Variants in HIPK2 observed in about 807,000 individuals in gnomAD.
HIPK2 encodes homeodomain-interacting protein kinase 2.
A neutral mutation model predicts 113.7 loss-of-function variants in HIPK2; 27 were observed. The observed-to-expected ratio is 0.24, with a 90% CI of 0.17 to 0.33. The LOEUF is 0.33. Ranked by LOEUF, HIPK2 falls within the 10% of genes least tolerant of loss-of-function variation. The pLI, the probability that HIPK2 is intolerant of heterozygous loss-of-function variation, is 1.00. For synonymous variants in HIPK2, 631 were observed against 642.2 expected (o/e 0.98, Z 0.26); for missense variants, 1,257 against 1,588.0 (o/e 0.79, Z 3.54).
At chr7:139,583,309 A>G (rs1384396532) in intron 13 of HIPK2, among the ~76,000 whole-genome samples, 2 of 152,254 alleles carry the variant, frequency 1.3e-5, no homozygotes, top group African/African-American at 4.8e-5. Context: ...ATAGCAGTGC[A>G]TGAGCAGAGA....
intron 12 of HIPK2, among the ~76,000 whole-genome samples, chr7:139,589,785 G>A (rs555337577): frequency 8.5e-5 from 13 of 152,314 alleles, no homozygotes; most frequent in African/African-American, 2.6e-4. Flanking sequence ...TATCTACAAG[G>A]AGTGTGGGAT....
At chr7:139,752,552 A>C (rs919915107) in intron 1 of HIPK2, among the ~76,000 whole-genome samples, 1 of 151,952 alleles carries the variant, frequency 6.6e-6, no homozygotes, top group Admixed American at 6.5e-5. Flanking sequence ...AAGCACCCCA[A>C]GCTAACTTAT....
In HIPK2 at chr7:139,567,023, C is replaced by A. The variant is rs982693813; in HGVS notation, c.*5904G>T. The A allele has an allele frequency of 1.3e-5, 2 of 152,224 alleles. No individual in the cohort carries two copies. The highest frequency in any genetic ancestry group is 4.8e-5 in the African/African-American group (2 of 41,448). 9.4% of individuals were successfully genotyped at this position (152,224 alleles called of 1,614,324 possible). On this transcript the variant is annotated 3_prime_UTR_variant, in exon 15 of 15. Transcript: ENST00000406875. Reference sequence around the variant, plus strand: ...GAAGCTGCAACAAGAGAAACCTCTACTATGCTGGGTCCCTCTAGTGAGCCA... The same window carrying A: ...GAAGCTGCAACAAGAGAAACCTCTAATATGCTGGGTCCCTCTAGTGAGCCA...
At chr7:139,763,858 ACT>A (rs1796510683) in intron 1 of HIPK2, among the ~76,000 whole-genome samples, 2 of 152,186 alleles carry the variant, frequency 1.3e-5, no homozygotes, top group Admixed American at 1.3e-4. Context: ...CAATGGTGAC[ACT>A]CTGCCTTCCT....
intron 2 of HIPK2, among the ~76,000 whole-genome samples, chr7:139,638,897 T>A (rs1338092036): frequency 1.3e-5 from 2 of 152,160 alleles, no homozygotes; most frequent in African/African-American, 2.4e-5. Flanking sequence ...GACCTCGTGA[T>A]CCGCCCGCCT....
In HIPK2 at chr7:139,716,534, G is replaced by A; in HGVS notation, c.501C>T (p.Thr167=). The A allele has an allele frequency of 6.2e-7, 1 of 1,614,018 alleles. No individual in the cohort carries two copies. The highest frequency in any genetic ancestry group is 8.5e-7 in the Non-Finnish European group (1 of 1,179,888). ...TGTTTTTGGAGGTGGCAGTAGACGT[G>A]GTGGCAGTGGCGACAGTGGCCCCGC... is the stretch of plus-strand genomic sequence containing the variant. ...NASGATVATA[T]TSTATSKNSG... is the part of the protein sequence containing the mutation. Residue 167 remains threonine, a synonymous_variant, in exon 2 of 15, where the codon ACC becomes ACT. Transcript: ENST00000406875. The surrounding 1 kb of genome is among the most constrained non-coding windows in gnomAD (Gnocchi z 9.3).
intron 2 of HIPK2, among the ~76,000 whole-genome samples, chr7:139,709,950 T>C (rs1209764904): frequency 6.6e-6 from 1 of 152,226 alleles, no homozygotes; most frequent in Non-Finnish European, 1.5e-5. Context: ...GCACTAACAA[T>C]GTCCACATTC....
intron 1 of HIPK2, among the ~76,000 whole-genome samples, chr7:139,765,819 T>C (rs538381551): frequency 2.0e-5 from 3 of 152,270 alleles, no homozygotes; most frequent in East Asian, 3.9e-4. Context: ...TTCTGCCCCA[T>C]GGATGGGTCT....
intron 9 of HIPK2, among the ~76,000 whole-genome samples, chr7:139,611,612 G>T (rs1212190532): frequency 1.3e-5 from 2 of 152,014 alleles, no homozygotes; most frequent in Non-Finnish European, 2.9e-5. Flanking sequence ...TGTGATCATA[G>T]CTCACTGCAG....
intron 1 of HIPK2, among the ~76,000 whole-genome samples, chr7:139,755,329 A>G (rs897077455): frequency 3.3e-5 from 5 of 152,238 alleles, no homozygotes; most frequent in Admixed American, 6.5e-5. Context: ...TCAGTTTTTT[A>G]CAACCAACCC....
intron 8 of HIPK2, 88 bp downstream of exon 8, chr7:139,614,198 A>T (rs1371173635): frequency 1.7e-6 from 2 of 1,181,010 alleles, no homozygotes; most frequent in African/African-American, 3.2e-5. Flanking sequence ...TCTCCATGAA[A>T]ATGAGCGTGA....
chr7:139,740,536 T>C (rs1375305753), intron 1 of HIPK2, among the ~76,000 whole-genome samples: 1 of 152,174 alleles, frequency 6.6e-6, no homozygotes, highest in Admixed American at 6.5e-5. Flanking sequence ...CCACACACTG[T>C]GCTCCGGAAA....
intron 2 of HIPK2, among the ~76,000 whole-genome samples, chr7:139,634,614 C>T (rs928539817): frequency 1.3e-5 from 2 of 148,586 alleles, no homozygotes; most frequent in African/African-American, 2.5e-5. Flanking sequence ...CTTTAGAGAT[C>T]GTTTCAGTTT....
chr7:139,599,138 ATAAGCAAT>A (rs1213254945), intron 11 of HIPK2, among the ~76,000 whole-genome samples: 1 of 152,236 alleles, frequency 6.6e-6, no homozygotes, highest in Non-Finnish European at 1.5e-5. Context: ...CTTATCGCAA[ATAAGCAAT>A]TAAGCACCTC....
At chr7:139,760,784 G>T (rs1246867089) in intron 1 of HIPK2, among the ~76,000 whole-genome samples, 1 of 152,122 alleles carries the variant, frequency 6.6e-6, no homozygotes, top group East Asian at 1.9e-4. Flanking sequence ...AAGTTCTCTA[G>T]AAACAAGTCA....
chr7:139,631,493 G>T lies in HIPK2; in HGVS notation c.1227+109C>A. The T allele has an allele frequency of 6.7e-7, 1 of 1,492,962 alleles. No individual in the cohort carries two copies. Among genetic ancestry groups the T allele is most frequent in the South Asian group, 1.4e-5 (1 of 72,292 alleles). The allele number at this position is 1,492,962 out of a possible 1,614,324, so 92.5% of individuals were successfully genotyped here. ...GGAAGCAAGGTTTGGGAGACAACGT[G>T]ACATTCCACAGTCCCGCCCATTTGT... On this transcript the variant is annotated intron_variant, in intron 3 of 14. Coordinates refer to ENST00000406875, the MANE Select transcript of HIPK2 (RefSeq NM_022740.5). This position sits in a 1 kb window ranked among gnomAD's most constrained non-coding sequence, Gnocchi z 4.9.
At chr7:139,710,668 A>T (rs1192220686) in intron 2 of HIPK2, among the ~76,000 whole-genome samples, 2 of 152,180 alleles carry the variant, frequency 1.3e-5, no homozygotes, top group Non-Finnish European at 2.9e-5. Context: ...TGATGAATTG[A>T]ACTGAAAATT....
intron 1 of HIPK2, among the ~76,000 whole-genome samples, chr7:139,757,091 G>C (rs1796374814): frequency 6.6e-6 from 1 of 152,040 alleles, no homozygotes; most frequent in African/African-American, 2.4e-5. Context: ...TTAGAATCTA[G>C]AGCTAAAAAT....
intron 1 of HIPK2, among the ~76,000 whole-genome samples, chr7:139,763,643 G>A (rs1796506991): frequency 6.6e-6 from 1 of 152,226 alleles, no homozygotes; most frequent in Admixed American, 6.5e-5. Flanking sequence ...GACAAGGGAT[G>A]GCAGTGGAGA....
Sources: gnomAD v4.1 joint callset for allele counts (sites outside exome capture counted in the v4.1 genomes callset) on GRCh38, gnomAD v4.1.1 for gene constraint, Gnocchi (gnomAD v3.1) non-coding constraint, MANE v1.5 for transcripts, NCBI Gene and HGNC (gene_info 2026-07-23, HGNC 2026-07-21) for gene names.